The following VTA1 variants were observed in gnomAD, a reference collection of about 807,000 sequenced individuals.
The protein encoded by VTA1 is vacuolar protein sorting-associated protein VTA1 homolog.
A neutral mutation model predicts 36.9 loss-of-function variants in VTA1; 24 were observed. The ratio of observed to expected loss-of-function variants is 0.65; its 90% CI spans 0.47 to 0.91. The LOEUF is 0.91. VTA1 is among the 40% of genes least tolerant of loss of function. The pLI, the probability that VTA1 is intolerant of heterozygous loss-of-function variation, is 0.00. For missense variants in VTA1, 393 were observed against 377.2 expected (o/e 1.04, Z -0.35); for synonymous variants, 142 against 130.2 (o/e 1.09, Z -0.62).
intron 4 of VTA1, among the ~76,000 whole-genome samples, chr6:142,174,050 C>G (rs1775073141): frequency 6.6e-6 from 1 of 152,104 alleles, no homozygotes; most frequent in African/African-American, 2.4e-5. Context: ...TTGGAGGGGT[C>G]TGGAATGGGA....
rs1169535055 is a variant in VTA1 at position 142,181,094 on chromosome 6, A to AATATATAT, written c.412-8316_412-8309dup. On this transcript the variant is annotated intron_variant, in intron 4 of 7. Coordinates refer to ENST00000367630, the MANE Select transcript of VTA1 (RefSeq NM_016485.5). ...AATGGTACAGAAAAAAAAAAAAAAA[A>AATATATAT]ATATATATATATATATATATATACA... Among the ~76,000 whole-genome samples the AATATATAT allele has an allele frequency of 6.1e-3, 223 of 36,436 alleles. 10 individuals carry two copies. The highest frequency in any genetic ancestry group is 0.011 in the South Asian group (8 of 712). 23.9% of individuals were successfully genotyped at this position (36,436 alleles called of 152,430 possible).
rs200348683 is a variant in VTA1, at chr6:142,188,225, C to CTTTTTTTTTT, written c.412-1182_412-1173dup. 8.9e-4 allele frequency among the ~76,000 whole-genome samples: 70 copies of CTTTTTTTTTT among 78,962 alleles called. 5 individuals carry two copies. Among genetic ancestry groups the CTTTTTTTTTT allele is most frequent in the African/African-American group, 1.1e-3 (23 of 20,644 alleles). 51.8% of individuals were successfully genotyped at this position (78,962 alleles called of 152,430 possible). The stretch of plus-strand genomic sequence containing the variant: ...TGCCTAGCCCTCTATTTCTTTATTT[C>CTTTTTTTTTT]TTTTTTTTTTTTTTTTTTTTTTTTT... On this transcript the variant is annotated intron_variant, in intron 4 of 7. Coordinates refer to ENST00000367630, the MANE Select transcript of VTA1 (RefSeq NM_016485.5).
At chr6:142,210,567 C>T (rs1371140021) in intron 7 of VTA1, among the ~76,000 whole-genome samples, 1 of 152,118 alleles carries the variant, frequency 6.6e-6, no homozygotes, top group Admixed American at 6.5e-5. Context: ...ATAAGGAACT[C>T]AGACAACTCA....
chr6:142,198,364 T>G, intron 5 of VTA1, 75 bp from the exon 6 acceptor site: 1 of 1,396,892 alleles, frequency 7.2e-7, no homozygotes, highest in Non-Finnish European at 9.7e-7. Context: ...TTGTCATGTG[T>G]ATAATGAAAT....
chr6:142,184,451 G>A (rs1775302009), intron 4 of VTA1, among the ~76,000 whole-genome samples: 1 of 152,090 alleles, frequency 6.6e-6, no homozygotes, highest in African/African-American at 2.4e-5. Flanking sequence ...GTTATTGCGT[G>A]GTTTCACATT....
At chr6:142,184,242 C>T (rs568644535) in intron 4 of VTA1, among the ~76,000 whole-genome samples, 4 of 152,156 alleles carry the variant, frequency 2.6e-5, no homozygotes, top group Non-Finnish European at 2.9e-5. Flanking sequence ...CAAATTGCAG[C>T]GTGGTAATTG....
chr6:142,150,595 A>T (rs1582872700), intron 1 of VTA1, among the ~76,000 whole-genome samples: 1 of 152,186 alleles, frequency 6.6e-6, no homozygotes, highest in Non-Finnish European at 1.5e-5. Flanking sequence ...AATTCAAATT[A>T]CCCATGTTAG....
chr6:142,157,442 C>T (rs1184208594), intron 1 of VTA1, among the ~76,000 whole-genome samples: 1 of 152,182 alleles, frequency 6.6e-6, no homozygotes, highest in African/African-American at 2.4e-5. Context: ...ATTAGCCTTC[C>T]ATTCCTCTTA....
In VTA1 at chr6:142,198,233, G is replaced by A. The variant is rs917018567; in HGVS notation, c.521-206G>A. ...TAAAAAATATTAACCTGAAAGAAGTGATAATCATATTGTCAGGTACAATTA... is the reference window on the plus strand; with the variant it reads ...TAAAAAATATTAACCTGAAAGAAGTAATAATCATATTGTCAGGTACAATTA... On this transcript the variant is annotated intron_variant, in intron 5 of 7. Transcript: ENST00000367630. Among the ~76,000 whole-genome samples the A allele has an allele frequency of 3.3e-5, 5 of 150,782 alleles. No individual in the cohort carries two copies. The East Asian group carries it at 9.7e-4, about 29-fold the overall frequency.
At chr6:142,209,579 A>G (rs960843834) in intron 7 of VTA1, among the ~76,000 whole-genome samples, 1 of 150,886 alleles carries the variant, frequency 6.6e-6, no homozygotes, top group Non-Finnish European at 1.5e-5. Flanking sequence ...AAACTATATA[A>G]AATTCTGTTG....
intron 4 of VTA1, among the ~76,000 whole-genome samples, chr6:142,181,846 T>C (rs1008547337): frequency 1.3e-5 from 2 of 152,184 alleles, no homozygotes; most frequent in Admixed American, 1.3e-4. Flanking sequence ...TTGCTGAAAT[T>C]ATAGTTGCTT....
intron 4 of VTA1, among the ~76,000 whole-genome samples, chr6:142,177,591 G>A (rs1299788838): frequency 3.3e-5 from 5 of 152,014 alleles, no homozygotes; most frequent in Admixed American, 1.3e-4. Flanking sequence ...AAAAACTTGA[G>A]TTTTCAGAAA....
intron 1 of VTA1, among the ~76,000 whole-genome samples, chr6:142,150,303 G>T (rs945478045): frequency 6.6e-6 from 1 of 152,094 alleles, no homozygotes; most frequent in African/African-American, 2.4e-5. Flanking sequence ...CTAGACCAGC[G>T]CTCTCCAAAC....
At chr6:142,210,658 AATC>A (rs1397791655) in intron 7 of VTA1, among the ~76,000 whole-genome samples, 1 of 152,222 alleles carries the variant, frequency 6.6e-6, no homozygotes, top group African/African-American at 2.4e-5. Context: ...CAGCATCACT[AATC>A]ATCAGAGAAA....
In VTA1 at chr6:142,152,415, T is replaced by C. The variant is rs558793816; in HGVS notation, c.112+5016T>C. Among the ~76,000 whole-genome samples the C allele has an allele frequency of 6.6e-5, 10 of 152,260 alleles. No individual in the cohort carries two copies. The East Asian group carries it at 1.7e-3, about 26-fold the overall frequency. On this transcript the variant is annotated intron_variant, in intron 1 of 7. Transcript: ENST00000367630. ...CTCAGAAATAATTTAAAGAATTTGG[T>C]GATTTTGCTGTGTAACATGGGAAAA...
rs145055454 is a variant in VTA1, at chr6:142,222,978, T to C, written c.*4335T>C. The stretch of plus-strand genomic sequence containing the variant: ...AGGTAACACAGCTAATATTTATTTC[T>C]AAGCTCAGACTGCCTGTTTCAGATC... On this transcript the variant is annotated 3_prime_UTR_variant, in exon 8 of 8. Transcript: ENST00000367630. 6.6e-6 allele frequency: 1 copy of C among 152,350 alleles called. No individual in the cohort carries two copies. Among genetic ancestry groups the C allele is most frequent in the Non-Finnish European group, 1.5e-5 (1 of 68,038 alleles). The allele number at this position is 152,350 out of a possible 1,614,324, so 9.4% of individuals were successfully genotyped here. A position where few individuals can be genotyped will look rare whatever the true frequency, so the allele number is the denominator to read the frequency against.
intron 5 of VTA1, among the ~76,000 whole-genome samples, chr6:142,192,704 G>T (rs920538407): frequency 1.5e-3 from 26 of 17,718 alleles, no homozygotes; most frequent in Non-Finnish European, 1.4e-3. Flanking sequence ...TTATATATTT[G>T]TGTGTGTGTG....
chr6:142,208,819 A>C (rs895643851), intron 7 of VTA1, among the ~76,000 whole-genome samples: 1 of 152,218 alleles, frequency 6.6e-6, no homozygotes, highest in Non-Finnish European at 1.5e-5. Flanking sequence ...ATTGTCATTC[A>C]AATATGAAGG....
At chr6:142,161,603 G>A (rs2114636940) in intron 1 of VTA1, among the ~76,000 whole-genome samples, 2 of 152,174 alleles carry the variant, frequency 1.3e-5, no homozygotes, top group South Asian at 4.1e-4. Flanking sequence ...TATTCATAAA[G>A]ATAAACACAT....
Sources: allele counts gnomAD v4.1 joint callset (sites outside exome capture counted in the v4.1 genomes callset), GRCh38; gene constraint gnomAD v4.1.1; transcripts MANE v1.5; gene names NCBI Gene and HGNC (gene_info 2026-07-23, HGNC 2026-07-21).